The following DPYD variants were observed in gnomAD, a reference collection of about 807,000 sequenced individuals.
DPYD encodes the protein dihydropyrimidine dehydrogenase, also known as dihydropyrimidine dehydrogenase [NADP(+)].
A neutral mutation model predicts 116.2 loss-of-function variants in DPYD; 109 were observed. The observed-to-expected ratio is 0.94, with a 90% confidence interval of 0.80 to 1.10. The LOEUF (loss-of-function observed/expected upper bound fraction) is 1.10, where lower values mean the gene tolerates loss of function less well. DPYD is among the 50% of genes least tolerant of loss of function. DPYD has a pLI of 0.00. For synonymous variants in DPYD, 440 were observed against 432.0 expected (o/e 1.02, Z -0.23); for missense variants, 1,302 against 1,254.5 (o/e 1.04, Z -0.57).
rs1355634294 is a variant in DPYD, at chr1:97,145,841, A to C, written c.2623-47209T>G. On this transcript the variant is annotated intron_variant, in intron 20 of 22. Coordinates refer to ENST00000370192, the MANE Select transcript of DPYD (RefSeq NM_000110.4). ...TCCTGGCATGGTGTCCACTGCTAGC[A>C]GTGAATACACAGGCCCTGCTGGTGC... Among the ~76,000 whole-genome samples, 3 of 149,742 alleles carry C rather than the reference A, an allele frequency of 2.0e-5. No homozygotes were observed. The Admixed American group carries it at 2.0e-4, about 10-fold the overall frequency.
At chr1:97,847,723 C>G (rs1000066272) in intron 2 of DPYD, among the ~76,000 whole-genome samples, 7 of 151,956 alleles carry the variant, frequency 4.6e-5, no homozygotes, top group Non-Finnish European at 7.4e-5. Context: ...GCAAAAACAA[C>G]AAAAGAAAGA....
intron 3 of DPYD, among the ~76,000 whole-genome samples, chr1:97,766,452 G>A (rs1225712472): frequency 2.0e-5 from 3 of 151,662 alleles, no homozygotes; most frequent in South Asian, 4.2e-4. Flanking sequence ...ATATAGAGAG[G>A]CCAAGGATTG....
At chr1:97,686,180 A>G (rs1402294160) in intron 7 of DPYD, among the ~76,000 whole-genome samples, 1 of 152,086 alleles carries the variant, frequency 6.6e-6, no homozygotes. Flanking sequence ...AGACCACACA[A>G]TACAACCATC....
intron 14 of DPYD, among the ~76,000 whole-genome samples, chr1:97,430,637 T>C (rs183549880): frequency 3.3e-5 from 5 of 152,064 alleles, no homozygotes; most frequent in East Asian, 1.9e-4. Context: ...TAAAATACTA[T>C]GATGCACATA....
intron 3 of DPYD, among the ~76,000 whole-genome samples, chr1:97,799,064 T>C (rs1408434604): frequency 6.6e-6 from 1 of 151,964 alleles, no homozygotes; most frequent in Non-Finnish European, 1.5e-5. Context: ...TTCATATTCC[T>C]TTCTATGGCA....
intron 14 of DPYD, among the ~76,000 whole-genome samples, chr1:97,399,307 T>C (rs1339302024): frequency 6.6e-6 from 1 of 152,278 alleles, no homozygotes; most frequent in East Asian, 1.9e-4. Flanking sequence ...TTGGTCTATA[T>C]CTCTTTTGTG....
intron 14 of DPYD, among the ~76,000 whole-genome samples, chr1:97,417,757 C>A (rs1311930574): frequency 6.6e-6 from 1 of 152,056 alleles, no homozygotes; most frequent in Non-Finnish European, 1.5e-5. Context: ...CCATTGTAAA[C>A]CCTGTCATGT....
intron 3 of DPYD, among the ~76,000 whole-genome samples, chr1:97,819,730 C>T (rs954000644): frequency 5.3e-5 from 8 of 151,974 alleles, no homozygotes; most frequent in Non-Finnish European, 8.8e-5. Context: ...TCCTTCCACT[C>T]TTCCATTTTT....
chr1:97,788,436 G>C (rs534496477), intron 3 of DPYD, among the ~76,000 whole-genome samples: 6 of 152,244 alleles, frequency 3.9e-5, no homozygotes, highest in Admixed American at 3.3e-4. Flanking sequence ...AGTACCAACT[G>C]TCAACTACAT....
intron 1 of DPYD, chr1:97,883,737 A>G: frequency 2.8e-6 from 1 of 360,734 alleles, no homozygotes; most frequent in Non-Finnish European, 5.3e-6. Flanking sequence ...GTGAGCCACC[A>G]TGTCTGGTAG....
intron 12 of DPYD, among the ~76,000 whole-genome samples, chr1:97,534,580 G>C (rs1055284472): frequency 1.3e-5 from 2 of 151,892 alleles, no homozygotes; most frequent in Non-Finnish European, 2.9e-5. Flanking sequence ...TTTTATGGAT[G>C]TTATTCTTTT....
chr1:97,172,382 A>C (rs1438855154), intron 20 of DPYD, among the ~76,000 whole-genome samples: 2 of 152,200 alleles, frequency 1.3e-5, no homozygotes, highest in Non-Finnish European at 2.9e-5. Context: ...ATGATTTGAT[A>C]CAAAGTATAG....
At chr1:97,458,029 G>A (rs1676790891) in intron 13 of DPYD, among the ~76,000 whole-genome samples, 1 of 152,082 alleles carries the variant, frequency 6.6e-6, no homozygotes, top group African/African-American at 2.4e-5. Context: ...TCTGCCAAAC[G>A]GTAATTAACT....
intron 19 of DPYD, among the ~76,000 whole-genome samples, chr1:97,206,102 A>T (rs955810636): frequency 2.0e-5 from 3 of 151,802 alleles, no homozygotes; most frequent in Admixed American, 2.0e-4. Context: ...AGGGCAAGGT[A>T]TGAGGGAGGG....
At chr1:97,749,829 T>A (rs1195489539) in intron 3 of DPYD, among the ~76,000 whole-genome samples, 1 of 152,138 alleles carries the variant, frequency 6.6e-6, no homozygotes, top group East Asian at 1.9e-4. Flanking sequence ...TGATGCTCAA[T>A]ACACTTTTGA....
intron 5 of DPYD, among the ~76,000 whole-genome samples, chr1:97,702,922 T>C (rs1661686426): frequency 6.6e-6 from 1 of 151,808 alleles, no homozygotes; most frequent in Non-Finnish European, 1.5e-5. Flanking sequence ...CAACACAGAG[T>C]TAAAGACTCT....
intron 14 of DPYD, among the ~76,000 whole-genome samples, chr1:97,422,177 A>G (rs890372825): frequency 2.6e-5 from 4 of 152,196 alleles, no homozygotes; most frequent in African/African-American, 9.6e-5. Context: ...TTTTAACATT[A>G]TTATATTAAA....
chr1:97,499,647 C>T (rs1169134619), intron 13 of DPYD, among the ~76,000 whole-genome samples: 2 of 151,820 alleles, frequency 1.3e-5, no homozygotes, highest in African/African-American at 2.4e-5. Context: ...AGAGGTGACC[C>T]TCAACACTTT....
At chr1:97,896,009 T>A (rs901408054) in intron 1 of DPYD, among the ~76,000 whole-genome samples, 2 of 151,724 alleles carry the variant, frequency 1.3e-5, no homozygotes, top group African/African-American at 4.8e-5. Flanking sequence ...TAACACCCAA[T>A]CTTACACTGT....
Sources: allele counts gnomAD v4.1 joint callset (sites outside exome capture counted in the v4.1 genomes callset), GRCh38; gene constraint gnomAD v4.1.1; transcripts MANE v1.5; gene names NCBI Gene and HGNC (gene_info 2026-07-23, HGNC 2026-07-21).